Variants in BRCA1 observed in about 807,000 individuals in gnomAD.
BRCA1 encodes breast cancer type 1 susceptibility protein.
A neutral mutation model predicts 173.7 loss-of-function variants in BRCA1; 140 were observed. The ratio of observed to expected loss-of-function variants is 0.81; its 90% CI spans 0.70 to 0.93. The LOEUF (loss-of-function observed/expected upper bound fraction) is 0.93, where lower values mean the gene tolerates loss of function less well. BRCA1 is among the 40% of genes least tolerant of loss of function. The pLI is 0.00. For synonymous variants in BRCA1, 662 were observed against 756.0 expected, an observed-to-expected ratio of 0.88 and a Z score of 2.04; for missense variants, 1,983 against 2,172.5, an observed-to-expected ratio of 0.91 and a Z score of 1.73.
At chr17:43,076,680 G>T in intron 12 of BRCA1, 66 bp from the exon 13 acceptor site, 1 of 1,579,906 alleles carries the variant, frequency 6.3e-7, no homozygotes, top group Non-Finnish European at 8.6e-7. Flanking sequence ...ATTCAGGTTA[G>T]AATACTGATT....
chr17:43,121,002 G>A (rs1388008667), intron 2 of BRCA1, among the ~76,000 whole-genome samples: 4 of 151,796 alleles, frequency 2.6e-5, no homozygotes, highest in African/African-American at 9.7e-5. Flanking sequence ...CCTGGCAGGC[G>A]GAGGTTGCAG....
rs749593365 is a variant in BRCA1, at chr17:43,094,638, T to C, written c.893A>G (p.Asn298Ser). Reference sequence around the variant, plus strand: ...ATTACAGAATTCAGCCTTTTCTACATTCATTCTGTCTTTAGTGAGTAATAA... The same window carrying C: ...ATTACAGAATTCAGCCTTTTCTACACTCATTCTGTCTTTAGTGAGTAATAA... ...SSLLLTKDRM[N>S]VEKAEFCNKS... Residue 298 changes from asparagine to serine, a missense_variant, in exon 10 of 23, where the codon AAT (asparagine) becomes AGT (serine). Asn to Ser is a conservative substitution (Grantham distance 46). Transcript: ENST00000357654. 1.2e-6 allele frequency: 2 copies of C among 1,614,206 alleles called. No individual in the cohort carries two copies. Among genetic ancestry groups the C allele is most frequent in the South Asian group, 2.2e-5 (2 of 91,082 alleles).
At chr17:43,157,355 T>C (rs1364325523) in intron 1 of BRCA1, among the ~76,000 whole-genome samples, 7 of 152,220 alleles carry the variant, frequency 4.6e-5, no homozygotes, top group Non-Finnish European at 2.9e-5. Context: ...AAGTGAAATA[T>C]GGTCCCCATC....
intron 3 of BRCA1, among the ~76,000 whole-genome samples, chr17:43,106,864 C>T (rs1041539549): frequency 1.3e-5 from 2 of 152,010 alleles, no homozygotes; most frequent in Admixed American, 6.6e-5. Flanking sequence ...CAAATATAAA[C>T]GGTAAGTAGT....
rs80357136 is a variant in BRCA1, at chr17:43,092,128, G to C, written c.3403C>G (p.Gln1135Glu). 1.2e-6 allele frequency: 2 copies of C among 1,613,664 alleles called. No individual in the cohort carries two copies. The highest frequency in any genetic ancestry group is 2.2e-5 in the East Asian group (1 of 44,888). The change falls in exon 10 of 23, where the codon CAG becomes GAG. Residue 1135 changes from glutamine to glutamate, a missense_variant. Transcript: ENST00000357654. Reference protein sequence around the residue: ...SPYLISDNLEQPMGSSHASQV... With the variant: ...SPYLISDNLEEPMGSSHASQV... ...GATGCATGACTACTTCCCATAGGCT[G>C]TTCTAAGTTATCTGAAATCAGATAT...
Position 43,094,779 on chromosome 17 carries a change from T to C in BRCA1, c.752A>G (p.Lys251Arg). Residue 251 changes from lysine to arginine, a missense_variant, in exon 10 of 23, where the codon AAG (lysine) becomes AGG (arginine). Transcript: ENST00000357654. ...TTCTGGATGCCTCTCAGCTGCACGCTTCTCAGTGGTGTTCAAATCATTATT... is the reference window on the plus strand; with the variant it reads ...TTCTGGATGCCTCTCAGCTGCACGCCTCTCAGTGGTGTTCAAATCATTATT... ...PSNNDLNTTE[K>R]RAAERHPEKY... The C allele has an allele frequency of 6.2e-7, 1 of 1,612,360 alleles. No homozygotes were observed. Among genetic ancestry groups the C allele is most frequent in the Non-Finnish European group, 8.5e-7 (1 of 1,179,292 alleles).
chr17:43,128,300 T>C (rs1341977709), upstream of BRCA1, among the ~76,000 whole-genome samples: 3 of 151,548 alleles, frequency 2.0e-5, no homozygotes, highest in African/African-American at 4.9e-5. Flanking sequence ...ACATGCCGCC[T>C]TAAGAGCTGT....
chr17:43,134,552 G>A (rs2055999949), intron 1 of BRCA1, among the ~76,000 whole-genome samples: 2 of 152,158 alleles, frequency 1.3e-5, no homozygotes, highest in African/African-American at 4.8e-5. Flanking sequence ...GTTGTGACCA[G>A]ATAGACTATA....
rs1567796937 is a variant in BRCA1 at position 43,093,405 on chromosome 17, A to G, written c.2126T>C (p.Phe709Ser). Residue 709 changes from phenylalanine to serine, a missense_variant, in exon 10 of 23, where the codon TTT becomes TCT. Transcript: ENST00000357654. ...TTCACTGGTATTTGAACACTTAGTAAAAGAACCAGGTGCATTTGTTAACTT... is the reference window on the plus strand; with the variant it reads ...TTCACTGGTATTTGAACACTTAGTAGAAGAACCAGGTGCATTTGTTAACTT... ...ELKLTNAPGS[F>S]TKCSNTSELK... 6.2e-7 allele frequency: 1 copy of G among 1,614,088 alleles called. No homozygotes were observed. The highest frequency in any genetic ancestry group is 8.5e-7 in the Non-Finnish European group (1 of 1,180,010).
In BRCA1 at chr17:43,091,889, C is replaced by T. The variant is rs398122675; in HGVS notation, c.3642G>A (p.Glu1214=). The T allele has an allele frequency of 4.3e-6, 7 of 1,614,130 alleles. No individual in the cohort carries two copies. The South Asian group carries it at 7.7e-5, about 18-fold the overall frequency. ...GCTCTTCATCCTCACTAGATAAGTTCTCTTCTGAGGACTCTAATTTCTTGG... is the reference window on the plus strand; with the variant it reads ...GCTCTTCATCCTCACTAGATAAGTTTTCTTCTGAGGACTCTAATTTCTTGG... The part of the protein sequence containing the change: ...RGAKKLESSE[E]NLSSEDEELP... The change falls in exon 10 of 23, where the codon GAG becomes GAA. Residue 1214 remains glutamate (E), a synonymous_variant. Transcript: ENST00000357654.
At chr17:43,118,431 C>T (rs2154568266) in intron 2 of BRCA1, among the ~76,000 whole-genome samples, 1 of 151,538 alleles carries the variant, frequency 6.6e-6, no homozygotes, top group Non-Finnish European at 1.5e-5. Flanking sequence ...GGCTGGAGTG[C>T]AGTGGCACCA....
chr17:43,168,816 T>A (rs2056288537), intron 1 of BRCA1, among the ~76,000 whole-genome samples: 1 of 152,228 alleles, frequency 6.6e-6, no homozygotes, highest in South Asian at 2.1e-4. Context: ...AAGAGAAAGC[T>A]ACAGGGGAGT....
At chr17:43,143,104 A>T (rs1597937201) in intron 1 of BRCA1, among the ~76,000 whole-genome samples, 2 of 149,596 alleles carry the variant, frequency 1.3e-5, no homozygotes, top group East Asian at 1.9e-4. Context: ...TTATTTATTT[A>T]TTTATTTTAT....
intron 1 of BRCA1, chr17:43,167,227 CAGTCAGGG>C (rs1411484180): frequency 6.6e-6 from 1 of 152,280 alleles, no homozygotes; most frequent in Non-Finnish European, 1.5e-5. Flanking sequence ...CCTCGCTTCC[CAGTCAGGG>C]AACCAAGAAA....
At chr17:43,048,533 T>TTA (rs1555574936) in intron 21 of BRCA1, among the ~76,000 whole-genome samples, 7 of 145,874 alleles carry the variant, frequency 4.8e-5, no homozygotes, top group Non-Finnish European at 1.1e-4. Context: ...TTTTTTTTTT[T>TTA]AGACAAAGTC....
At chr17:43,100,539 T>C (rs1330769364) in intron 6 of BRCA1, among the ~76,000 whole-genome samples, 2 of 38,256 alleles carry the variant, frequency 5.2e-5, no homozygotes, top group Non-Finnish European at 8.2e-5. Context: ...TATATATACA[T>C]ATATATGTGT....
chr17:43,058,162 AGCTGGAGACCCAGCT>A (rs2051592078), intron 18 of BRCA1, among the ~76,000 whole-genome samples: 1 of 151,986 alleles, frequency 6.6e-6, no homozygotes, highest in Non-Finnish European at 1.5e-5. Flanking sequence ...TGAGACCAGG[AGCTGGAGACCCAGCT>A]GGGCAACACA....
chr17:43,065,588 C>T (rs540946680), intron 16 of BRCA1, among the ~76,000 whole-genome samples: 6 of 152,212 alleles, frequency 3.9e-5, no homozygotes, highest in East Asian at 3.9e-4. Context: ...CGCTTGAACC[C>T]GGGAGGGGGA....
chr17:43,087,695 T>C (rs1446562117), intron 11 of BRCA1, among the ~76,000 whole-genome samples: 3 of 151,872 alleles, frequency 2.0e-5, no homozygotes, highest in African/African-American at 4.8e-5. Flanking sequence ...AAAAGAATTT[T>C]AATGATCCAG....
Sources: gnomAD v4.1 joint callset for allele counts (sites outside exome capture counted in the v4.1 genomes callset) on GRCh38, gnomAD v4.1.1 for gene constraint, MANE v1.5 for transcripts, NCBI Gene and HGNC (gene_info 2026-07-23, HGNC 2026-07-21) for gene names.